BMP6: variants seen among roughly 807,000 people sequenced by gnomAD.
The protein encoded by BMP6 is bone morphogenetic protein 6, also known as VG-1-R.
A neutral mutation model predicts 54.1 loss-of-function variants in BMP6; 17 were observed. That is an observed-to-expected ratio of 0.31 (90% CI 0.22 to 0.47). BMP6 has a LOEUF of 0.47. BMP6 is among the 20% of genes least tolerant of loss of function. The pLI is 1.00. For missense variants in BMP6, 720 were observed against 690.4 expected (o/e 1.04, Z -0.48); for synonymous variants, 328 against 291.2 (o/e 1.13, Z -1.28).
At chr6:7,809,997 C>T (rs1245822927) in intron 1 of BMP6, among the ~76,000 whole-genome samples, 1 of 152,160 alleles carries the variant, frequency 6.6e-6, no homozygotes, top group Non-Finnish European at 1.5e-5. Context: ...CTATTCTGCA[C>T]AGCTAGAGAA....
At chr6:7,748,753 C>A (rs1337879028) in intron 1 of BMP6, among the ~76,000 whole-genome samples, 1 of 152,158 alleles carries the variant, frequency 6.6e-6, no homozygotes, top group Non-Finnish European at 1.5e-5. Context: ...ATCATCATGT[C>A]CTGAGAAATA....
intron 4 of BMP6, among the ~76,000 whole-genome samples, chr6:7,878,404 T>G (rs961783521): frequency 1.3e-5 from 2 of 152,260 alleles, no homozygotes; most frequent in South Asian, 4.1e-4. Flanking sequence ...GCCAGGCTAG[T>G]GGCCCCTGTG....
intron 1 of BMP6, among the ~76,000 whole-genome samples, chr6:7,780,504 G>A (rs934371814): frequency 1.3e-5 from 2 of 151,164 alleles, no homozygotes; most frequent in African/African-American, 2.4e-5. Context: ...AGCCGAGATC[G>A]CGCCATTGCA....
At position 7,795,469 on chromosome 6, in the gene BMP6, C is replaced by A. The variant is rs187678123; in HGVS notation, c.665-49671C>A. ...CCTGTTAGTTCAGGGATCCCCAAGG[C>A]AGAGGGATGTGGCTGGACAGAGAGG... On this transcript the variant is annotated intron_variant, in intron 1 of 6. Transcript: ENST00000283147. Among the ~76,000 whole-genome samples, 597 of 152,190 alleles carry A rather than the reference C, an allele frequency of 3.9e-3. 5 individuals carry two copies. Among genetic ancestry groups the A allele is most frequent in the African/African-American group, 0.014 (569 of 41,518 alleles).
rs148949566 is a variant in BMP6, at chr6:7,830,080, G to A, written c.665-15060G>A. Among the ~76,000 whole-genome samples the A allele has an allele frequency of 3.2e-3, 489 of 152,260 alleles. 2 individuals carry two copies. The highest frequency in any genetic ancestry group is 5.8e-3 in the Non-Finnish European group (396 of 68,014). On this transcript the variant is annotated intron_variant, in intron 1 of 6. Transcript: ENST00000283147. ...TCAGACTCCTGACTTTCAGAAAAGA[G>A]CCAATCACCATTTGACTAGGGCTCA...
At chr6:7,819,720 G>A (rs987235101) in intron 1 of BMP6, among the ~76,000 whole-genome samples, 16 of 152,178 alleles carry the variant, frequency 1.1e-4, no homozygotes, top group African/African-American at 3.9e-4. Context: ...AACTCGGCAT[G>A]TAAGTGAAGA....
Position 7,748,404 on chromosome 6 carries a change from C to A in BMP6, c.664+20785C>A, listed in dbSNP as rs148876462. Among the ~76,000 whole-genome samples the A allele has an allele frequency of 4.1e-3, 621 of 152,272 alleles. 5 individuals carry two copies. The highest frequency in any genetic ancestry group is 0.014 in the African/African-American group (591 of 41,554). The stretch of plus-strand genomic sequence containing the variant: ...ATACCTGTCATACTATTTCAGACAT[C>A]ATTCTCTTATGCTAAGAGCAGGAAA... On this transcript the variant is annotated intron_variant, in intron 1 of 6. Coordinates refer to ENST00000283147, the MANE Select transcript of BMP6 (RefSeq NM_001718.6).
rs757415957 is a variant in BMP6 at position 7,727,481 on chromosome 6, C to T, written c.526C>T (p.Pro176Ser). ...ASSSQRRQPP[P>S]GAAHPLNRKS... ...CTCGTCCCAGCGTCGGCAGCCGCCCCCGGGCGCCGCGCACCCGCTCAACCG... is the reference window on the plus strand; with the variant it reads ...CTCGTCCCAGCGTCGGCAGCCGCCCTCGGGCGCCGCGCACCCGCTCAACCG... The change falls in exon 1 of 7, where the codon CCG (proline) becomes TCG (serine). Residue 176 changes from proline (P) to serine (S), a missense_variant. This residue lies in a region of BMP6 where 650 missense variants were observed against 556.3 expected (regional missense o/e 1.17). Transcript: ENST00000283147. 2.5e-6 allele frequency: 4 copies of T among 1,594,032 alleles called. No homozygotes were observed. Among genetic ancestry groups the T allele is most frequent in the East Asian group, 2.2e-5 (1 of 44,494 alleles).
At chr6:7,747,911 G>T (rs1757370198) in intron 1 of BMP6, among the ~76,000 whole-genome samples, 1 of 152,096 alleles carries the variant, frequency 6.6e-6, no homozygotes, top group South Asian at 2.1e-4. Context: ...CTCCCAAAGT[G>T]CTGGGATTAT....
At chr6:7,869,203 G>A (rs1020214139) in intron 4 of BMP6, among the ~76,000 whole-genome samples, 2 of 152,202 alleles carry the variant, frequency 1.3e-5, no homozygotes, top group African/African-American at 4.8e-5. Context: ...TCAGGATGGT[G>A]GCTGCGCCCT....
chr6:7,820,219 C>T (rs577145537), intron 1 of BMP6, among the ~76,000 whole-genome samples: 1 of 152,254 alleles, frequency 6.6e-6, no homozygotes, highest in South Asian at 2.1e-4. Context: ...GACATCACCC[C>T]ATACATGTGA....
chr6:7,740,836 A>G (rs1247995350), intron 1 of BMP6, among the ~76,000 whole-genome samples: 1 of 151,988 alleles, frequency 6.6e-6, no homozygotes, highest in Non-Finnish European at 1.5e-5. Context: ...ATCTATCCCT[A>G]AGTTCCCTGC....
At chr6:7,860,696 C>T (rs530451489) in intron 2 of BMP6, among the ~76,000 whole-genome samples, 51 of 152,176 alleles carry the variant, frequency 3.4e-4, no homozygotes, top group Non-Finnish European at 6.9e-4. Context: ...CCACCCTCGG[C>T]TACACAGTCC....
chr6:7,751,245 T>C (rs1285854866), intron 1 of BMP6, among the ~76,000 whole-genome samples: 1 of 152,202 alleles, frequency 6.6e-6, no homozygotes, highest in East Asian at 1.9e-4. Context: ...GGCTTGAGAA[T>C]TGCAAAGTGT....
chr6:7,803,774 G>A (rs1581254314), intron 1 of BMP6, among the ~76,000 whole-genome samples: 1 of 151,868 alleles, frequency 6.6e-6, no homozygotes, highest in Middle Eastern at 3.2e-3. Context: ...GCGAAATCAG[G>A]TCGGGCCTAA....
intron 1 of BMP6, among the ~76,000 whole-genome samples, chr6:7,808,750 A>G (rs1359592663): frequency 6.6e-6 from 1 of 151,820 alleles, no homozygotes; most frequent in Non-Finnish European, 1.5e-5. Context: ...CATGTCTCAA[A>G]CAAAAAATTT....
At chr6:7,822,896 GTT>G (rs1491425389) in intron 1 of BMP6, among the ~76,000 whole-genome samples, 1 of 85,662 alleles carries the variant, frequency 1.2e-5, no homozygotes, top group Non-Finnish European at 2.3e-5. Context: ...ATTGGTGCTG[GTT>G]GTGTGTGTGT....
intron 1 of BMP6, among the ~76,000 whole-genome samples, chr6:7,753,989 A>G (rs770067865): frequency 1.3e-5 from 2 of 152,178 alleles, no homozygotes; most frequent in Non-Finnish European, 2.9e-5. Context: ...TAGGGCCATA[A>G]TATGGTTGAT....
intron 2 of BMP6, among the ~76,000 whole-genome samples, chr6:7,856,667 G>C (rs1759243084): frequency 7.3e-6 from 1 of 136,342 alleles, no homozygotes; most frequent in East Asian, 2.3e-4. Context: ...CGGGATCTCG[G>C]CTCACTGCAA....
Sources: allele counts gnomAD v4.1 joint callset (sites outside exome capture counted in the v4.1 genomes callset), GRCh38; gene constraint gnomAD v4.1.1; regional missense constraint gnomAD v4.1.1; transcripts MANE v1.5; gene names NCBI Gene and HGNC (gene_info 2026-07-23, HGNC 2026-07-21).